GCC2: variants seen among roughly 807,000 people sequenced by gnomAD.
The protein encoded by GCC2 is GRIP and coiled-coil domain containing 2.
GCC2 carries 120 observed loss-of-function variants against 210.6 expected under a neutral mutation model. The observed-to-expected ratio is 0.57, with a 90% CI of 0.49 to 0.66. The LOEUF is 0.66. Ranked by LOEUF, GCC2 falls within the 30% of genes least tolerant of loss-of-function variation. The pLI, the probability that GCC2 is intolerant of heterozygous loss-of-function variation, is 0.00. For synonymous variants in GCC2, 703 were observed against 652.7 expected, an observed-to-expected ratio of 1.08 and a Z score of -1.17; for missense variants, 1,868 against 1,871.9, an observed-to-expected ratio of 1.00 and a Z score of 0.04.
chr2:108,456,365 A>G (rs1011027556), intron 4 of GCC2, among the ~76,000 whole-genome samples: 1 of 152,124 alleles, frequency 6.6e-6, no homozygotes, highest in African/African-American at 2.4e-5. Context: ...CTTTCTCCAC[A>G]TTGTCATCAA....
chr2:108,465,206 T>C (rs944136254), intron 4 of GCC2, among the ~76,000 whole-genome samples: 2 of 152,318 alleles, frequency 1.3e-5, no homozygotes, highest in African/African-American at 4.8e-5. Context: ...TCTGTTGAAT[T>C]TGTGTTCTCT....
At position 108,470,205 on chromosome 2, in the gene GCC2, G is replaced by C; in HGVS notation, c.876G>C (p.Gln292His). ...KQCEASEKNI[Q>H]KKYECELENL... is the part of the protein sequence containing the mutation. ...GTGAGGCAAGTGAAAAGAACATCCA[G>C]AAGAAATATGAATGTGAGTTAGAAA... is the stretch of plus-strand genomic sequence containing the variant. Residue 292 changes from glutamine to histidine, a missense_variant, in exon 6 of 23, where the codon CAG becomes CAC. Around this residue, in one of 3 missense-constraint regions of GCC2, gnomAD observed 1,847 missense variants for 1,765.2 expected, o/e 1.05. Coordinates refer to ENST00000309863, the MANE Select transcript of GCC2 (RefSeq NM_181453.4). 6.2e-7 allele frequency: 1 copy of C among 1,613,168 alleles called. No individual in the cohort carries two copies. The highest frequency in any genetic ancestry group is 8.5e-7 in the Non-Finnish European group (1 of 1,179,574).
intron 4 of GCC2, among the ~76,000 whole-genome samples, chr2:108,466,871 A>T (rs570452593): frequency 1.3e-5 from 2 of 152,256 alleles, no homozygotes; most frequent in South Asian, 4.1e-4. Flanking sequence ...GTCTTTTTTA[A>T]TATCAATAAC....
intron 4 of GCC2, among the ~76,000 whole-genome samples, chr2:108,462,010 T>C (rs111871282): frequency 2.7e-5 from 4 of 146,866 alleles, no homozygotes; most frequent in African/African-American, 7.4e-5. Context: ...TTTTTTTTTT[T>C]TGTATTTTAG....
chr2:108,469,129 G>T (rs773689803), intron 5 of GCC2, 45 bp downstream of exon 5: 3 of 1,101,678 alleles, frequency 2.7e-6, no homozygotes, highest in Non-Finnish European at 4.1e-6. Context: ...TTAACATATA[G>T]TGTAGTCATT....
At chr2:108,501,644 T>C (rs1471156297) in intron 22 of GCC2, among the ~76,000 whole-genome samples, 2 of 152,028 alleles carry the variant, frequency 1.3e-5, no homozygotes, top group Non-Finnish European at 2.9e-5. Flanking sequence ...TCCTCAAAAT[T>C]GAGCAGGCAT....
At chr2:108,489,799 T>G (rs753177804) in intron 17 of GCC2, 39 bp from the exon 18 acceptor site, 51 of 1,460,386 alleles carry the variant, frequency 3.5e-5, no homozygotes, top group Non-Finnish European at 4.6e-5. Context: ...CAAATTCACC[T>G]TTTTCAAAAA....
At chr2:108,501,231 C>T (rs1328427172) in intron 22 of GCC2, among the ~76,000 whole-genome samples, 8 of 152,074 alleles carry the variant, frequency 5.3e-5, no homozygotes, top group South Asian at 2.1e-4. Flanking sequence ...GTGATCTGCC[C>T]GCCTTGGCCT....
intron 2 of GCC2, 107 bp downstream of exon 2, chr2:108,449,796 G>C: frequency 1.3e-6 from 1 of 794,968 alleles, no homozygotes; most frequent in Non-Finnish European, 2.1e-6. Flanking sequence ...TTTTTTAATA[G>C]CCTTGCTCCA....
chr2:108,449,533 T>C, intron 1 of GCC2, 100 bp from the exon 2 acceptor site: 1 of 1,336,120 alleles, frequency 7.5e-7, no homozygotes, highest in Non-Finnish European at 1.1e-6. Context: ...TTTCCACCAC[T>C]TGATTCCATA....
At position 108,451,070 on chromosome 2, in the gene GCC2, A is replaced by G; in HGVS notation, c.106A>G (p.Lys36Glu). The change falls in exon 3 of 23, where the codon AAA becomes GAA. Residue 36 changes from lysine (K) to glutamate (E), a missense_variant. Lys to Glu is a moderately conservative substitution (Grantham distance 56). Transcript: ENST00000309863. ...AGAAGACCTCATCAAGTTTGCCAAG[A>G]AACAGATGATGCTAATACAGAAAGC... The part of the protein sequence containing the change: ...PKEDLIKFAK[K>E]QMMLIQKAKS... 6.2e-7 allele frequency: 1 copy of G among 1,613,248 alleles called. No homozygotes were observed. Among genetic ancestry groups the G allele is most frequent in the Non-Finnish European group, 8.5e-7 (1 of 1,179,190 alleles).
At chr2:108,489,036 TTATAA>T (rs1339669412) in intron 17 of GCC2, among the ~76,000 whole-genome samples, 10 of 152,240 alleles carry the variant, frequency 6.6e-5, no homozygotes, top group Non-Finnish European at 1.2e-4. Context: ...TTCTACTTTC[TTATAA>T]TATAAATACG....
At chr2:108,493,339 C>T (rs774529467) in intron 19 of GCC2, 8 of 809,882 alleles carry the variant, frequency 9.9e-6, no homozygotes, top group East Asian at 2.4e-4. Context: ...CCACCCGCCT[C>T]GGCCTCCCAA....
intron 22 of GCC2, 135 bp from the exon 23 acceptor site, chr2:108,507,425 G>T (rs1326047107): frequency 2.4e-6 from 1 of 409,950 alleles, no homozygotes. Flanking sequence ...CCAAAAAAAA[G>T]GCATGTAATC....
rs34052393 is a variant in GCC2, at chr2:108,459,745, C to CTTTTTTTTTTTTTTTTTTTTTT, written c.216+7291_216+7312dup. Among the ~76,000 whole-genome samples the CTTTTTTTTTTTTTTTTTTTTTT allele has an allele frequency of 5.7e-3, 153 of 26,762 alleles. 27 individuals are homozygous for CTTTTTTTTTTTTTTTTTTTTTT. The highest frequency in any genetic ancestry group is 0.016 in the East Asian group (5 of 304). 17.6% of individuals were successfully genotyped at this position (26,762 alleles called of 152,430 possible). ...GCCATTAGATAATGACCTTCTTTGT[C>CTTTTTTTTTTTTTTTTTTTTTT]TTTTTTTTTTTTTTTTTTTTTTTTT... On this transcript the variant is annotated intron_variant, in intron 4 of 22. Transcript: ENST00000309863.
At position 108,475,821 on chromosome 2, in the gene GCC2, G is replaced by T. The variant is rs756514438; in HGVS notation, c.3031G>T (p.Asp1011Tyr). The T allele has an allele frequency of 1.1e-5, 18 of 1,592,444 alleles. 1 individual carries two copies. The South Asian group carries it at 2.1e-4, about 18-fold the overall frequency. ...GGACCAGTTATCTGCTTCCATGAGAGATCTCATTCAAGGAGCAGAAAGCTA... is the reference window on the plus strand; with the variant it reads ...GGACCAGTTATCTGCTTCCATGAGATATCTCATTCAAGGAGCAGAAAGCTA... ...EKDQLSASMR[D>Y]LIQGAESYKN... is the part of the protein sequence containing the mutation. Residue 1011 changes from aspartate to tyrosine, a missense_variant, in exon 9 of 23, where the codon GAT (aspartate) becomes TAT (tyrosine). Physicochemically the swap from Asp to Tyr is radical, Grantham distance 160. Transcript: ENST00000309863.
chr2:108,452,303 G>C (rs1325093625), intron 3 of GCC2, 96 bp from the exon 4 acceptor site: 1 of 753,394 alleles, frequency 1.3e-6, no homozygotes, highest in Non-Finnish European at 2.4e-6. Context: ...CTAATTTGCA[G>C]ATTTATGGGG....
chr2:108,469,609 G>A (rs754092294), intron 5 of GCC2, 42 bp from the exon 6 acceptor site: 26 of 1,426,430 alleles, frequency 1.8e-5, no homozygotes, highest in Non-Finnish European at 1.0e-5. Context: ...GGCTCCTTTT[G>A]TCTTACTTAA....
intron 22 of GCC2, among the ~76,000 whole-genome samples, chr2:108,503,658 A>AC (rs1406321864): frequency 6.6e-6 from 1 of 152,240 alleles, no homozygotes; most frequent in Non-Finnish European, 1.5e-5. Flanking sequence ...ATCAGAGCAA[A>AC]CAAGTACCTT....
Sources: allele counts gnomAD v4.1 joint callset (sites outside exome capture counted in the v4.1 genomes callset), GRCh38; gene constraint gnomAD v4.1.1; regional missense constraint gnomAD v4.1.1; transcripts MANE v1.5; gene names NCBI Gene and HGNC (gene_info 2026-07-23, HGNC 2026-07-21).